BRF1: variants seen among roughly 807,000 people sequenced by gnomAD.
The protein encoded by BRF1 is transcription factor IIIB 90 kDa subunit.
Under a neutral mutation model 81.7 loss-of-function variants are expected in BRF1, and 59 were observed. That is an observed-to-expected ratio of 0.72 (90% CI 0.59 to 0.90). The LOEUF is 0.90. Among genes scored for constraint, BRF1 ranks in the 40% least tolerant of loss-of-function variants. The pLI, the probability that BRF1 is intolerant of heterozygous loss-of-function variation, is 0.00. For missense variants in BRF1, 1,050 were observed against 936.3 expected, an observed-to-expected ratio of 1.12 and a Z score of -1.58; for synonymous variants, 491 against 395.6, an observed-to-expected ratio of 1.24 and a Z score of -2.86.
chr14:105,290,930 C>T (rs1428390171), intron 1 of BRF1, among the ~76,000 whole-genome samples: 3 of 152,070 alleles, frequency 2.0e-5, no homozygotes, highest in African/African-American at 7.2e-5. Context: ...ACACAGGACA[C>T]ATGTGGACAG....
intron 7 of BRF1, 114 bp from the exon 8 acceptor site, chr14:105,226,874 C>G (rs938093433): frequency 3.3e-6 from 5 of 1,518,538 alleles, no homozygotes; most frequent in Non-Finnish European, 4.5e-6. Context: ...TTTGGGAGCC[C>G]AAGGTGGGTG....
intron 1 of BRF1, chr14:105,314,552 C>T (rs1315776309): frequency 6.8e-6 from 1 of 146,422 alleles, no homozygotes; most frequent in Admixed American, 6.7e-5. Flanking sequence ...CGTGAGGCGC[C>T]GCCGGAGGAA....
intron 1 of BRF1, among the ~76,000 whole-genome samples, chr14:105,289,787 C>T (rs1006156589): frequency 6.6e-6 from 1 of 152,192 alleles, no homozygotes; most frequent in African/African-American, 2.4e-5. Context: ...AGGTGCGTGC[C>T]ACCACGCCCA....
intron 3 of BRF1, among the ~76,000 whole-genome samples, chr14:105,270,805 A>G (rs909849297): frequency 1.5e-4 from 23 of 151,980 alleles, no homozygotes; most frequent in Admixed American, 1.4e-3. Context: ...AAAAAAAAAA[A>G]AGTAACATTT....
chr14:105,257,383 G>T (rs80017209), intron 3 of BRF1, among the ~76,000 whole-genome samples: 1 of 152,156 alleles, frequency 6.6e-6, no homozygotes, highest in Non-Finnish European at 1.5e-5. Flanking sequence ...CAAGAACCTC[G>T]CAAGCAATCA....
chr14:105,244,386 T>C (rs747539929), intron 5 of BRF1, among the ~76,000 whole-genome samples: 5 of 152,124 alleles, frequency 3.3e-5, no homozygotes, highest in East Asian at 1.9e-4. Flanking sequence ...CGGGGCTGCA[T>C]TGAGCCATGA....
chr14:105,272,959 G>C, intron 2 of BRF1, 65 bp from the exon 3 acceptor site: 1 of 1,464,020 alleles, frequency 6.8e-7, no homozygotes. Flanking sequence ...GTATCACACG[G>C]CCACAGCAGC....
In BRF1 at chr14:105,252,544, G is replaced by A. The variant is rs1426604692; in HGVS notation, c.507C>T (p.Leu169=). ...NVYVLGKTFL[L]LARELCINAP... is the part of the protein sequence containing the mutation. ...CATTGATGCAGAGCTCTCTTGCCAA[G>A]AGAAGAAACGTCTTTCCAAGCACGT... Residue 169 remains leucine, a synonymous_variant, in exon 5 of 18, where the codon CTC becomes CTT. Transcript: ENST00000547530. 6.2e-7 allele frequency: 1 copy of A among 1,613,928 alleles called. No individual in the cohort carries two copies. The highest frequency in any genetic ancestry group is 2.2e-5 in the East Asian group (1 of 44,886).
intron 1 of BRF1, among the ~76,000 whole-genome samples, chr14:105,288,221 G>A (rs749376041): frequency 1.3e-5 from 2 of 152,180 alleles, no homozygotes; most frequent in African/African-American, 2.4e-5. Flanking sequence ...TTGGGAGGCC[G>A]AGGTGGGTGG....
At chr14:105,307,981 G>A (rs1306599833) in intron 1 of BRF1, among the ~76,000 whole-genome samples, 1 of 152,080 alleles carries the variant, frequency 6.6e-6, no homozygotes, top group African/African-American at 2.4e-5. Flanking sequence ...CCAGGAGTTC[G>A]AGACCAGCCT....
chr14:105,254,885 A>G (rs907135403), intron 4 of BRF1, among the ~76,000 whole-genome samples: 2 of 152,166 alleles, frequency 1.3e-5, no homozygotes, highest in African/African-American at 4.8e-5. Context: ...TTCTTTACAG[A>G]GTTGCTACCA....
chr14:105,263,603 A>G (rs1303168554), intron 3 of BRF1, among the ~76,000 whole-genome samples: 2 of 152,146 alleles, frequency 1.3e-5, no homozygotes, highest in African/African-American at 2.4e-5. Context: ...AGAGTGAGCT[A>G]CCTGCGTGCT....
At chr14:105,223,294 G>A (rs141292030) in intron 10 of BRF1, among the ~76,000 whole-genome samples, 1 of 152,124 alleles carries the variant, frequency 6.6e-6, no homozygotes, top group African/African-American at 2.4e-5. Flanking sequence ...ACAAGGACTT[G>A]TACACGAGTG....
At chr14:105,290,407 G>A (rs1477658125) in intron 1 of BRF1, among the ~76,000 whole-genome samples, 3 of 152,040 alleles carry the variant, frequency 2.0e-5, no homozygotes, top group South Asian at 2.1e-4. Flanking sequence ...CAACAAGAGC[G>A]AAACTCCATC....
chr14:105,290,102 A>T (rs889287000), intron 1 of BRF1, among the ~76,000 whole-genome samples: 5 of 152,236 alleles, frequency 3.3e-5, no homozygotes, highest in African/African-American at 1.2e-4. Context: ...ATAACACTAC[A>T]TTAGAAAAAG....
At position 105,229,605 on chromosome 14, in the gene BRF1, T is replaced by C. The variant is rs146180958; in HGVS notation, c.695-692A>G. Among the ~76,000 whole-genome samples, 1,017 of 152,114 alleles carry C rather than the reference T, an allele frequency of 6.7e-3. 9 individuals carry two copies. The highest frequency in any genetic ancestry group is 0.023 in the African/African-American group (949 of 41,470). On this transcript the variant is annotated intron_variant, in intron 6 of 17. Coordinates refer to ENST00000547530, the MANE Select transcript of BRF1 (RefSeq NM_001519.4). ...TGAGTGACAGCTGCGACCTGGGGGG[T>C]CACAGAGGTCCAACTAGAACAGTCG...
At chr14:105,295,648 GT>G (rs1340488171) in intron 1 of BRF1, among the ~76,000 whole-genome samples, 1 of 151,838 alleles carries the variant, frequency 6.6e-6, no homozygotes, top group Non-Finnish European at 1.5e-5. Context: ...GCTGGGCATG[GT>G]AGTGCATGCC....
intron 5 of BRF1, chr14:105,250,833 A>G: frequency 1.3e-6 from 1 of 767,930 alleles, no homozygotes; most frequent in South Asian, 1.9e-5. Context: ...CACAGCCAGA[A>G]CCCAGGGATT....
At chr14:105,313,125 AC>A (rs965138010) in intron 1 of BRF1, among the ~76,000 whole-genome samples, 6 of 151,660 alleles carry the variant, frequency 4.0e-5, no homozygotes, top group African/African-American at 1.5e-4. Context: ...TCCTCACTTG[AC>A]CCCCAGTTGT....
Sources: gnomAD v4.1 joint callset for allele counts (sites outside exome capture counted in the v4.1 genomes callset) on GRCh38, gnomAD v4.1.1 for gene constraint, MANE v1.5 for transcripts, NCBI Gene and HGNC (gene_info 2026-07-23, HGNC 2026-07-21) for gene names.